ATG2A: variants seen among roughly 807,000 people sequenced by gnomAD.
ATG2A encodes the protein autophagy related 2A.
A neutral mutation model predicts 214.2 loss-of-function variants in ATG2A; 103 were observed. That is an observed-to-expected ratio of 0.48 (90% confidence interval 0.41 to 0.57). The LOEUF (loss-of-function observed/expected upper bound fraction) is 0.57. ATG2A is among the 20% of genes least tolerant of loss of function. ATG2A has a pLI of 0.00. For synonymous variants in ATG2A, 1,160 were observed against 1,142.1 expected, an observed-to-expected ratio of 1.02 and a Z score of -0.32; for missense variants, 2,312 against 2,613.2, an observed-to-expected ratio of 0.88 and a Z score of 2.51.
In ATG2A at chr11:64,898,897, G is replaced by A; in HGVS notation, c.4465-55C>T. On this transcript the variant is annotated intron_variant, in intron 31 of 40. Coordinates refer to ENST00000377264, the MANE Select transcript of ATG2A (RefSeq NM_015104.3). The surrounding 1 kb of genome is among the most constrained non-coding windows in gnomAD (Gnocchi z 4.5). ...AAGCAGGGCCCCAAGAGGGAGGGAA[G>A]GGCTGGCCCCAGACCCCTTCTCTAT... 6.5e-7 allele frequency: 1 copy of A among 1,540,184 alleles called. No homozygotes were observed.
chr11:64,895,217 A>T lies in ATG2A; in HGVS notation c.5581-8T>A. ...AGCTGTATCCAAGATGCCCTGTGGA[A>T]GCCAGAGGTCAGGGCGGGGTCTGTG... is the stretch of plus-strand genomic sequence containing the variant. On this transcript the variant is annotated splice_polypyrimidine_tract_variant and splice_region_variant and intron_variant, in intron 40 of 40. Coordinates refer to ENST00000377264, the MANE Select transcript of ATG2A (RefSeq NM_015104.3). The surrounding 1 kb of genome is among the most constrained non-coding windows in gnomAD (Gnocchi z 5.0). The T allele has an allele frequency of 6.2e-7, 1 of 1,613,036 alleles. No individual in the cohort carries two copies.
intron 22 of ATG2A, 119 bp downstream of exon 22, chr11:64,905,994 G>C (rs1944532588): frequency 7.1e-7 from 1 of 1,399,432 alleles, no homozygotes; most frequent in Non-Finnish European, 9.8e-7. Context: ...CTCCGGACAA[G>C]GTCAGCTGTG....
chr11:64,907,896 C>T lies in ATG2A; in HGVS notation c.2365-6G>A. The T allele has an allele frequency of 1.2e-6, 2 of 1,611,114 alleles. No individual in the cohort carries two copies. Among genetic ancestry groups the T allele is most frequent in the Non-Finnish European group, 1.7e-6 (2 of 1,179,270 alleles). On this transcript the variant is annotated splice_region_variant and splice_polypyrimidine_tract_variant and intron_variant, in intron 16 of 40. Coordinates refer to ENST00000377264, the MANE Select transcript of ATG2A (RefSeq NM_015104.3). ...GGGTCTCCAGGGATCACCATCTGGA[C>T]AGGGTGAGGTGGAAAGAGCAGGAGA...
At position 64,901,127 on chromosome 11, in the gene ATG2A, G is replaced by A. The variant is rs373280248; in HGVS notation, c.4120-35C>T. 12 of 1,542,936 alleles carry A rather than the reference G, an allele frequency of 7.8e-6. No individual in the cohort carries two copies. The African/African-American group carries it at 1.4e-4, about 18-fold the overall frequency. ...GGCCAGGTAGACGTGTGACACAGAT[G>A]TTCGATCCAGCCCAGCTGCCCCCAG... is the stretch of plus-strand genomic sequence containing the variant. On this transcript the variant is annotated intron_variant, in intron 29 of 40. Transcript: ENST00000377264.
chr11:64,897,098 G>A, intron 37 of ATG2A: 1 of 669,422 alleles, frequency 1.5e-6, no homozygotes, highest in Non-Finnish European at 2.5e-6. Context: ...TTGGCTCACT[G>A]CAACCGCCTC....
chr11:64,911,381 A>C, intron 9 of ATG2A, 106 bp from the exon 10 acceptor site: 1 of 1,141,072 alleles, frequency 8.8e-7, no homozygotes, highest in Non-Finnish European at 1.3e-6. Context: ...GGTCTGCCCC[A>C]CCATGTGGCT....
At position 64,906,617 on chromosome 11, in the gene ATG2A, C is replaced by T. The variant is rs112781918; in HGVS notation, c.2983+48G>A. On this transcript the variant is annotated intron_variant, in intron 20 of 40. Transcript: ENST00000377264. ...GCCCACATCCGTCCTGAAAGCCCTC[C>T]ACCCCCAACCCTGGACCCCAGTGGT... is the stretch of plus-strand genomic sequence containing the variant. 2.2e-5 allele frequency: 36 copies of T among 1,609,310 alleles called. No homozygotes were observed. The African/African-American group carries it at 3.5e-4, about 15-fold the overall frequency.
At position 64,907,444 on chromosome 11, in the gene ATG2A, G is replaced by C; in HGVS notation, c.2648-5C>G. 1 of 1,601,652 alleles carries C rather than the reference G, an allele frequency of 6.2e-7. No individual in the cohort carries two copies. Among genetic ancestry groups the C allele is most frequent in the Non-Finnish European group, 8.5e-7 (1 of 1,174,150 alleles). On this transcript the variant is annotated splice_polypyrimidine_tract_variant and splice_region_variant and intron_variant, in intron 18 of 40. Coordinates refer to ENST00000377264, the MANE Select transcript of ATG2A (RefSeq NM_015104.3). Reference sequence around the variant, plus strand: ...GGGTGAGATCAAAGCAGTTGGCTGGGAAGGAGACCGCGAAGGGCTAGCCTG... The same window carrying C: ...GGGTGAGATCAAAGCAGTTGGCTGGCAAGGAGACCGCGAAGGGCTAGCCTG...
In ATG2A at chr11:64,895,564, A is replaced by AG; in HGVS notation, c.5428-123dup. ...TCCCTGCCTGTCACTGTGCTGGCCTAGGGGGTCCTGCTCAGCCTCACTCCC... is the reference window on the plus strand; with the variant it reads ...TCCCTGCCTGTCACTGTGCTGGCCTAGGGGGGTCCTGCTCAGCCTCACTCCC... On this transcript the variant is annotated intron_variant, in intron 39 of 40. Coordinates refer to ENST00000377264, the MANE Select transcript of ATG2A (RefSeq NM_015104.3). This position sits in a 1 kb window ranked among gnomAD's most constrained non-coding sequence, Gnocchi z 5.0. The AG allele has an allele frequency of 8.7e-7, 1 of 1,155,594 alleles. No homozygotes were observed. The highest frequency in any genetic ancestry group is 1.6e-5 in the South Asian group (1 of 61,664). 71.6% of individuals were successfully genotyped at this position (1,155,594 alleles called of 1,614,324 possible).
In ATG2A at chr11:64,914,359, A is replaced by C; in HGVS notation, c.313T>G (p.Leu105Val). The C allele has an allele frequency of 6.2e-7, 1 of 1,608,006 alleles. No homozygotes were observed. Among genetic ancestry groups the C allele is most frequent in the South Asian group, 1.1e-5 (1 of 90,170 alleles). Residue 105 changes from leucine to valine, a missense_variant, in exon 2 of 41, where the codon TTG becomes GTG. Physicochemically the swap from Leu to Val is conservative, Grantham distance 32. Coordinates refer to ENST00000377264, the MANE Select transcript of ATG2A (RefSeq NM_015104.3). ...TCACCTGGACCCCGGCGGGGCTGCA[A>C]GGTGAGCTGGAGGCCGGACACGCGC... ...TVRVSGLQLT[L>V]QPRRGPAPGA...
chr11:64,904,190 G>A (rs564731354), intron 24 of ATG2A, among the ~76,000 whole-genome samples: 15 of 150,844 alleles, frequency 9.9e-5, no homozygotes, highest in African/African-American at 3.7e-4. Flanking sequence ...GGGTTGCAGC[G>A]AGCCTAGATC....
rs1290072710 is a variant in ATG2A, at chr11:64,902,066, A to T, written c.4015T>A (p.Ser1339Thr). ...PVGGPAGSLGSCSEEKEDERE... is the reference protein window; with the variant it reads ...PVGGPAGSLGTCSEEKEDERE... ...TCATCTTCCTTCTCCTCTGAGCATGACCCTAAGCTGCCAGCAGGGCCCCCG... is the reference window on the plus strand; with the variant it reads ...TCATCTTCCTTCTCCTCTGAGCATGTCCCTAAGCTGCCAGCAGGGCCCCCG... Residue 1339 changes from serine (S) to threonine (T), a missense_variant, in exon 29 of 41, where the codon TCA becomes ACA. Coordinates refer to ENST00000377264, the MANE Select transcript of ATG2A (RefSeq NM_015104.3). 1.9e-6 allele frequency: 3 copies of T among 1,613,828 alleles called. No individual in the cohort carries two copies. In the East Asian group the frequency reaches 6.7e-5, roughly 36 times the overall value.
rs1334317830 is a variant in ATG2A, at chr11:64,911,242, A to G, written c.1262T>C (p.Met421Thr). ...CATCTTCAGCAGCGAGTCAGGGCGCATGGTGTCCAGGAGGGGGTTGGGGGC... is the reference window on the plus strand; with the variant it reads ...CATCTTCAGCAGCGAGTCAGGGCGCGTGGTGTCCAGGAGGGGGTTGGGGGC... ...KMAPNPLLDTMRPDSLLKMTL... is the reference protein window; with the variant it reads ...KMAPNPLLDTTRPDSLLKMTL... The change falls in exon 10 of 41, where the codon ATG becomes ACG. Residue 421 changes from methionine to threonine, a missense_variant. Physicochemically the swap from Met to Thr is moderately conservative, Grantham distance 81. Coordinates refer to ENST00000377264, the MANE Select transcript of ATG2A (RefSeq NM_015104.3). The G allele has an allele frequency of 3.1e-6, 5 of 1,614,002 alleles. No individual in the cohort carries two copies. Among genetic ancestry groups the G allele is most frequent in the Middle Eastern group, 1.6e-4 (1 of 6,062 alleles).
intron 29 of ATG2A, 133 bp downstream of exon 29, chr11:64,901,829 T>G (rs574798099): frequency 1.3e-5 from 14 of 1,054,736 alleles, no homozygotes; most frequent in Non-Finnish European, 1.7e-5. Flanking sequence ...CCCGAGGTGA[T>G]GGCAACCACC....
Position 64,913,319 on chromosome 11 carries a change from T to C in ATG2A, c.673A>G (p.Lys225Glu), listed in dbSNP as rs746485748. The C allele has an allele frequency of 6.2e-7, 1 of 1,609,300 alleles. No homozygotes were observed. The highest frequency in any genetic ancestry group is 8.5e-7 in the Non-Finnish European group (1 of 1,178,742). The change falls in exon 5 of 41, where the codon AAG (lysine) becomes GAG (glutamate). Residue 225 changes from lysine (K) to glutamate (E), a missense_variant. Physicochemically the swap from Lys to Glu is moderately conservative, Grantham distance 56 (BLOSUM62 1). Coordinates refer to ENST00000377264, the MANE Select transcript of ATG2A (RefSeq NM_015104.3). This position sits in a 1 kb window ranked among gnomAD's most constrained non-coding sequence, Gnocchi z 4.3. ...CGGACCCCTGCCAGCTGCAGCAGCTTGTGCAGGAAGGCAGGCGGCTGATGC... is the reference window on the plus strand; with the variant it reads ...CGGACCCCTGCCAGCTGCAGCAGCTCGTGCAGGAAGGCAGGCGGCTGATGC... The part of the protein sequence containing the change: ...DVHQPPAFLH[K>E]LLQLAGVRLH...
At chr11:64,900,440 A>T in intron 31 of ATG2A, 54 bp downstream of exon 31, 1 of 1,610,138 alleles carries the variant, frequency 6.2e-7, no homozygotes, top group Non-Finnish European at 8.5e-7. Context: ...ATCGAGAACA[A>T]GGCCCGTTGT....
intron 24 of ATG2A, 99 bp downstream of exon 24, chr11:64,905,464 G>A (rs1037902494): frequency 2.8e-5 from 35 of 1,250,624 alleles, no homozygotes; most frequent in Middle Eastern, 2.5e-4. Flanking sequence ...ACTATCACCC[G>A]GGTGTACATT....
Position 64,895,435 on chromosome 11 carries a change from G to A in ATG2A, c.5435C>T (p.Ala1812Val). Residue 1812 changes from alanine (A) to valine (V), a missense_variant, in exon 40 of 41, where the codon GCT becomes GTT. Ala to Val is a moderately conservative substitution (Grantham distance 64, BLOSUM62 0). Coordinates refer to ENST00000377264, the MANE Select transcript of ATG2A (RefSeq NM_015104.3). This position sits in a 1 kb window ranked among gnomAD's most constrained non-coding sequence, Gnocchi z 5.0. ...GGACAGGATGTCATACACGGTCTCA[G>A]CTGTGGCCTGGGGGACATGGGAGCA... Reference protein sequence around the residue: ...NRLVQAIQATAETVYDILSPA... With the variant: ...NRLVQAIQATVETVYDILSPA... 1 of 1,583,376 alleles carries A rather than the reference G, an allele frequency of 6.3e-7. No individual in the cohort carries two copies. The highest frequency in any genetic ancestry group is 1.3e-5 in the African/African-American group (1 of 74,614).
intron 29 of ATG2A, 115 bp from the exon 30 acceptor site, chr11:64,901,207 C>T (rs1375472812): frequency 7.2e-6 from 8 of 1,113,314 alleles, no homozygotes; most frequent in South Asian, 2.9e-5. Context: ...TAGACAGGGT[C>T]GGGTCATGTT....
Sources: gnomAD v4.1 joint callset for allele counts (sites outside exome capture counted in the v4.1 genomes callset) on GRCh38, gnomAD v4.1.1 for gene constraint, Gnocchi (gnomAD v3.1) non-coding constraint, MANE v1.5 for transcripts, NCBI Gene and HGNC (gene_info 2026-07-23, HGNC 2026-07-21) for gene names.